The following CSMD1 variants were observed in gnomAD, a reference collection of about 807,000 sequenced individuals.
CSMD1 encodes the protein CUB and sushi domain-containing protein 1.
In CSMD1, 213 loss-of-function variants were observed where a neutral mutation model predicts 417.5. The observed-to-expected ratio is 0.51, with a 90% CI of 0.46 to 0.57. The LOEUF (loss-of-function observed/expected upper bound fraction) is 0.57, where lower values mean the gene tolerates loss of function less well. Ranked by LOEUF, CSMD1 falls within the 20% of genes least tolerant of loss-of-function variation. The pLI is 0.00. For synonymous variants in CSMD1, 2,862 were observed against 1,736.8 expected, an observed-to-expected ratio of 1.65 and a Z score of -16.11; for missense variants, 6,923 against 4,529.7, an observed-to-expected ratio of 1.53 and a Z score of -15.17.
At chr8:4,007,341 A>C (rs1158873815) in intron 4 of CSMD1, among the ~76,000 whole-genome samples, 1 of 151,970 alleles carries the variant, frequency 6.6e-6, no homozygotes, top group African/African-American at 2.4e-5. Context: ...TTTGGCTCCC[A>C]TTTCCTCTTT....
intron 10 of CSMD1, among the ~76,000 whole-genome samples, chr8:3,570,780 A>G (rs1799910480): frequency 6.6e-6 from 1 of 152,176 alleles, no homozygotes; most frequent in South Asian, 2.1e-4. Flanking sequence ...GAAAGCAAGC[A>G]AGCTAATAAA....
At chr8:4,259,804 A>G (rs866580021) in intron 3 of CSMD1, among the ~76,000 whole-genome samples, 2 of 152,342 alleles carry the variant, frequency 1.3e-5, no homozygotes, top group South Asian at 4.1e-4. Flanking sequence ...AAATAATATA[A>G]AGCTATTATT....
chr8:3,810,914 C>T (rs1056190296), intron 5 of CSMD1, among the ~76,000 whole-genome samples: 1 of 152,112 alleles, frequency 6.6e-6, no homozygotes, highest in Non-Finnish European at 1.5e-5. Context: ...AAAGTGCTTC[C>T]TCATTCAGCC....
chr8:4,204,224 A>T (rs1468479386), intron 3 of CSMD1, among the ~76,000 whole-genome samples: 1 of 152,160 alleles, frequency 6.6e-6, no homozygotes, highest in Non-Finnish European at 1.5e-5. Flanking sequence ...TTCACACCAG[A>T]ACATCCTCTT....
chr8:3,959,570 T>G (rs17068217), intron 5 of CSMD1, among the ~76,000 whole-genome samples: 5,378 of 152,354 alleles, frequency 0.035, 312 homozygotes, highest in African/African-American at 0.12. Context: ...CCATAGTTTT[T>G]GTCTCTTTTA....
chr8:4,988,082 G>A (rs34415305), intron 1 of CSMD1, among the ~76,000 whole-genome samples: 29,510 of 152,008 alleles, frequency 0.19, 3,582 homozygotes, highest in Non-Finnish European at 0.28. Context: ...TGTCCCTCTA[G>A]AGAATCCTGA....
chr8:3,515,355 C>G (rs575838488), intron 10 of CSMD1: 1 of 152,198 alleles, frequency 6.6e-6, no homozygotes, highest in Non-Finnish European at 1.5e-5. Context: ...CAGATCACCA[C>G]TGTGCAAGAT....
intron 7 of CSMD1, among the ~76,000 whole-genome samples, chr8:3,678,529 G>A (rs538655035): frequency 6.6e-6 from 1 of 152,100 alleles, no homozygotes; most frequent in African/African-American, 2.4e-5. Flanking sequence ...AAGAAATATG[G>A]GACTATGTGA....
intron 3 of CSMD1, among the ~76,000 whole-genome samples, chr8:4,034,427 A>C (rs1445056651): frequency 6.6e-6 from 1 of 152,234 alleles, no homozygotes; most frequent in Non-Finnish European, 1.5e-5. Flanking sequence ...TATTGTCTGC[A>C]ATCATTTTTG....
At chr8:4,833,886 C>T (rs1331798975) in intron 1 of CSMD1, among the ~76,000 whole-genome samples, 1 of 152,160 alleles carries the variant, frequency 6.6e-6, no homozygotes, top group Non-Finnish European at 1.5e-5. Context: ...AAATAACAAA[C>T]CGTACATGTC....
At chr8:3,463,016 G>A (rs528289243) in intron 12 of CSMD1, among the ~76,000 whole-genome samples, 7 of 152,314 alleles carry the variant, frequency 4.6e-5, no homozygotes, top group African/African-American at 1.4e-4. Flanking sequence ...GTGAGAAGGC[G>A]CCATCTATGA....
At chr8:4,416,333 G>C (rs569676961) in intron 3 of CSMD1, among the ~76,000 whole-genome samples, 1 of 152,002 alleles carries the variant, frequency 6.6e-6, no homozygotes, top group Non-Finnish European at 1.5e-5. Flanking sequence ...GAACTAAAAA[G>C]TCAACCTAAA....
intron 5 of CSMD1, among the ~76,000 whole-genome samples, chr8:3,834,982 G>A (rs894230337): frequency 6.6e-6 from 1 of 152,010 alleles, no homozygotes; most frequent in African/African-American, 2.4e-5. Flanking sequence ...CATCATCACT[G>A]GCCATCAGAG....
intron 10 of CSMD1, among the ~76,000 whole-genome samples, chr8:3,566,888 G>C (rs1799737566): frequency 1.3e-5 from 2 of 152,190 alleles, no homozygotes; most frequent in African/African-American, 4.8e-5. Context: ...GACATCTAAA[G>C]ACAGAAATCC....
rs183549794 is a variant in CSMD1, at chr8:3,391,991, C to G, written c.2593+4203G>C. Among the ~76,000 whole-genome samples the G allele has an allele frequency of 1.4e-3, 214 of 151,186 alleles. 1 individual carries two copies. The highest frequency in any genetic ancestry group is 6.8e-3 in the Middle Eastern group (2 of 292). Reference sequence around the variant, plus strand: ...TGAAGCTGGAAACCATCATTCTCAGCAAACTATCACAAAGACAAAAAACCA... The same window carrying G: ...TGAAGCTGGAAACCATCATTCTCAGGAAACTATCACAAAGACAAAAAACCA... On this transcript the variant is annotated intron_variant, in intron 17 of 69. Transcript: ENST00000635120.
intron 2 of CSMD1, among the ~76,000 whole-genome samples, chr8:4,507,485 T>C (rs1426809892): frequency 6.6e-6 from 1 of 152,104 alleles, no homozygotes; most frequent in Non-Finnish European, 1.5e-5. Flanking sequence ...ATAAGTAAAA[T>C]ACAAGAGTCT....
chr8:4,573,696 G>C (rs1798999186), intron 2 of CSMD1, among the ~76,000 whole-genome samples: 2 of 152,128 alleles, frequency 1.3e-5, no homozygotes, highest in South Asian at 2.1e-4. Flanking sequence ...GGCAGAAAGA[G>C]TTAGGTCTGC....
intron 3 of CSMD1, among the ~76,000 whole-genome samples, chr8:4,092,165 G>C (rs1235910823): frequency 6.6e-6 from 1 of 152,052 alleles, no homozygotes; most frequent in Non-Finnish European, 1.5e-5. Context: ...TACTAAAGAG[G>C]ACAATTTCAA....
intron 1 of CSMD1, among the ~76,000 whole-genome samples, chr8:4,969,660 A>G (rs1206235340): frequency 6.6e-6 from 1 of 151,904 alleles, no homozygotes; most frequent in Non-Finnish European, 1.5e-5. Context: ...GAGCCCATTG[A>G]TTTCGAGGTG....
Sources: allele counts gnomAD v4.1 joint callset (sites outside exome capture counted in the v4.1 genomes callset), GRCh38; gene constraint gnomAD v4.1.1; transcripts MANE v1.5; gene names NCBI Gene and HGNC (gene_info 2026-07-23, HGNC 2026-07-21).